FNDC1: variants seen among roughly 807,000 people sequenced by gnomAD.
The protein encoded by FNDC1 is fibronectin type III domain-containing protein 1.
FNDC1 carries 96 observed loss-of-function variants against 168.0 expected under a neutral mutation model. That is an observed-to-expected ratio of 0.57 (90% CI 0.48 to 0.68). FNDC1 has a LOEUF of 0.68. Among genes scored for constraint, FNDC1 ranks in the 30% least tolerant of loss-of-function variants. FNDC1 has a pLI of 0.00. For missense variants in FNDC1, 2,587 were observed against 2,482.1 expected (o/e 1.04, Z -0.90); for synonymous variants, 1,099 against 1,025.9 (o/e 1.07, Z -1.36).
chr6:159,260,085 G>A (rs1042617685), intron 18 of FNDC1, among the ~76,000 whole-genome samples: 1 of 152,304 alleles, frequency 6.6e-6, no homozygotes, highest in East Asian at 1.9e-4. Flanking sequence ...ATCAAATAAA[G>A]AATTTTATAA....
intron 22 of FNDC1, among the ~76,000 whole-genome samples, chr6:159,269,374 TGCCC>T (rs1178781905): frequency 1.0e-4 from 7 of 69,436 alleles, no homozygotes; most frequent in Non-Finnish European, 1.9e-4. Context: ...TCCATCCATC[TGCCC>T]ATCCATATAT....
chr6:159,224,526 C>T (rs1409020419), intron 7 of FNDC1, among the ~76,000 whole-genome samples: 2 of 152,066 alleles, frequency 1.3e-5, no homozygotes. Flanking sequence ...ATATAGTTTC[C>T]TTCACTGTCT....
intron 1 of FNDC1, among the ~76,000 whole-genome samples, chr6:159,171,462 G>T (rs1259132733): frequency 1.3e-5 from 2 of 152,132 alleles, no homozygotes; most frequent in Non-Finnish European, 2.9e-5. Flanking sequence ...CCCTCTCTCT[G>T]GTTGAACTAA....
At chr6:159,266,317 A>T in intron 21 of FNDC1, 72 bp downstream of exon 21, 2 of 1,495,846 alleles carry the variant, frequency 1.3e-6, no homozygotes, top group Non-Finnish European at 1.9e-6. Context: ...ACTTGGCACC[A>T]CAGGTGCATC....
chr6:159,210,690 C>G (rs868493429), intron 4 of FNDC1, among the ~76,000 whole-genome samples: 1 of 152,096 alleles, frequency 6.6e-6, no homozygotes, highest in Non-Finnish European at 1.5e-5. Flanking sequence ...GCTCGGGTGG[C>G]GTTTGCTGGA....
Position 159,232,152 on chromosome 6 carries a change from G to C in FNDC1, c.1640G>C (p.Gly547Ala), listed in dbSNP as rs1297245758. Reference protein sequence around the residue: ...STEITGEEELGSREDSPMSPS... With the variant: ...STEITGEEELASREDSPMSPS... ...GAAATCACTGGGGAGGAGGAGCTGGGTTCCCGGGAGGACTCGCCCATGTCA... is the reference window on the plus strand; with the variant it reads ...GAAATCACTGGGGAGGAGGAGCTGGCTTCCCGGGAGGACTCGCCCATGTCA... Residue 547 changes from glycine to alanine, a missense_variant, in exon 11 of 23, where the codon GGT becomes GCT. Transcript: ENST00000297267. The surrounding 1 kb of genome is among the most constrained non-coding windows in gnomAD (Gnocchi z 4.9). 6.2e-7 allele frequency: 1 copy of C among 1,613,920 alleles called. No homozygotes were observed. The highest frequency in any genetic ancestry group is 1.7e-5 in the Admixed American group (1 of 60,012).
chr6:159,255,544 C>T (rs186190608), intron 17 of FNDC1, among the ~76,000 whole-genome samples: 5 of 152,298 alleles, frequency 3.3e-5, no homozygotes, highest in Admixed American at 2.6e-4. Context: ...ACTTTATCTC[C>T]AGCACTTAGT....
rs1219463044 is a variant in FNDC1, at chr6:159,223,573, T to C, written c.812T>C (p.Met271Thr). The change falls in exon 7 of 23, where the codon ATG becomes ACG. Residue 271 changes from methionine (M) to threonine (T), a missense_variant. Coordinates refer to ENST00000297267, the MANE Select transcript of FNDC1 (RefSeq NM_032532.3). ...CCTGACGACATCAGCGTCCGGGTTA[T>C]GTCATCTCAGTCTGTGCTTGTGTCC... Reference protein sequence around the residue: ...DVPDDISVRVMSSQSVLVSWV... With the variant: ...DVPDDISVRVTSSQSVLVSWV... The C allele has an allele frequency of 4.3e-6, 7 of 1,613,846 alleles. No individual in the cohort carries two copies. The highest frequency in any genetic ancestry group is 5.9e-6 in the Non-Finnish European group (7 of 1,179,866).
chr6:159,200,666 G>A, intron 4 of FNDC1, 85 bp downstream of exon 4: 13 of 1,084,872 alleles, frequency 1.2e-5, no homozygotes, highest in Non-Finnish European at 1.8e-5. Context: ...ACACACATGT[G>A]CTCACAAACC....
chr6:159,206,853 C>T (rs1432805916), intron 4 of FNDC1, among the ~76,000 whole-genome samples: 2 of 152,182 alleles, frequency 1.3e-5, no homozygotes, highest in African/African-American at 4.8e-5. Context: ...GTGGCCTGCC[C>T]ACTACTCCCT....
chr6:159,196,582 CT>C (rs1273172217), intron 1 of FNDC1, among the ~76,000 whole-genome samples: 1 of 152,104 alleles, frequency 6.6e-6, no homozygotes, highest in Non-Finnish European at 1.5e-5. Context: ...TTTTAGGTTA[CT>C]TTTTTCTTTC....
Position 159,193,826 on chromosome 6 carries a change from G to C in FNDC1, c.110-3605G>C, listed in dbSNP as rs192272560. Among the ~76,000 whole-genome samples the C allele has an allele frequency of 7.2e-3, 1,102 of 152,324 alleles. 6 individuals carry two copies. Among genetic ancestry groups the C allele is most frequent in the Non-Finnish European group, 0.013 (863 of 68,030 alleles). ...GTGCTAGACCAAAGTAAGAAATCTA[G>C]GTGGGGATTGTGCCCTTATTTTTCA... On this transcript the variant is annotated intron_variant, in intron 1 of 22. Transcript: ENST00000297267.
intron 13 of FNDC1, 31 bp from the exon 14 acceptor site, chr6:159,239,486 G>C: frequency 6.5e-7 from 1 of 1,538,572 alleles, no homozygotes; most frequent in Non-Finnish European, 8.8e-7. Context: ...GCTTCACCTT[G>C]TTGCATAGCT....
At chr6:159,269,183 TCC>T (rs1562315592) in intron 22 of FNDC1, among the ~76,000 whole-genome samples, 5 of 150,912 alleles carry the variant, frequency 3.3e-5, no homozygotes, top group Non-Finnish European at 7.4e-5. Flanking sequence ...TATGTATGTA[TCC>T]ATCCATTATC....
chr6:159,183,902 G>A (rs1168401513), intron 1 of FNDC1, among the ~76,000 whole-genome samples: 1 of 152,238 alleles, frequency 6.6e-6, no homozygotes, highest in Admixed American at 6.5e-5. Flanking sequence ...GAATTCAGCT[G>A]CCACCACTGG....
chr6:159,271,065 C>A (rs918960086), intron 22 of FNDC1, among the ~76,000 whole-genome samples: 1 of 152,208 alleles, frequency 6.6e-6, no homozygotes, highest in Admixed American at 6.5e-5. Context: ...CCCTGAGTTA[C>A]AGCTGGGCTT....
In FNDC1 at chr6:159,197,435, C is replaced by T. The variant is rs1328512196; in HGVS notation, c.114C>T (p.Asp38=). 1.2e-6 allele frequency: 2 copies of T among 1,610,964 alleles called. No individual in the cohort carries two copies. Among genetic ancestry groups the T allele is most frequent in the African/African-American group, 2.7e-5 (2 of 74,788 alleles). The part of the protein sequence containing the change: ...PVASSAAASV[D]HPLKPRHVKL... ...ATAGTTGCGCTGTTTACATAGTTGA[C>T]CACCCACTGAAGCCAAGGCATGTGA... Residue 38 remains aspartate, a synonymous_variant, in exon 2 of 23, where the codon GAC becomes GAT. Coordinates refer to ENST00000297267, the MANE Select transcript of FNDC1 (RefSeq NM_032532.3).
At chr6:159,173,315 T>C (rs1477255650) in intron 1 of FNDC1, among the ~76,000 whole-genome samples, 2 of 152,190 alleles carry the variant, frequency 1.3e-5, no homozygotes, top group Non-Finnish European at 2.9e-5. Context: ...GGAGGCTCCT[T>C]CCATCTCTGG....
chr6:159,214,897 T>C (rs781634630), intron 4 of FNDC1, 48 bp from the exon 5 acceptor site: 1 of 1,552,194 alleles, frequency 6.4e-7, no homozygotes, highest in South Asian at 1.1e-5. Context: ...GATGGCAAAC[T>C]CTAAGTGGTC....
Sources: allele counts gnomAD v4.1 joint callset (sites outside exome capture counted in the v4.1 genomes callset), GRCh38; gene constraint gnomAD v4.1.1; non-coding constraint Gnocchi (gnomAD v3.1); transcripts MANE v1.5; gene names NCBI Gene and HGNC (gene_info 2026-07-23, HGNC 2026-07-21).